Variants in EIF4G2 observed in about 807,000 individuals in gnomAD.
EIF4G2 encodes the protein DAP-5.
A neutral mutation model predicts 117.7 loss-of-function variants in EIF4G2; 8 were observed. The observed-to-expected ratio is 0.07, with a 90% CI of 0.04 to 0.12. EIF4G2 has a LOEUF of 0.12. Ranked by LOEUF, EIF4G2 falls within the 10% of genes least tolerant of loss-of-function variation. EIF4G2 has a pLI of 1.00. For synonymous variants in EIF4G2, 413 were observed against 367.8 expected, an observed-to-expected ratio of 1.12 and a Z score of -1.41; for missense variants, 812 against 1,086.2, an observed-to-expected ratio of 0.75 and a Z score of 3.55.
rs1847344837 is a variant in EIF4G2, at chr11:10,799,115, T to TA, written c.2537-3_2537-2insT. 1.4e-6 allele frequency: 2 copies of TA among 1,416,236 alleles called. No individual in the cohort carries two copies. Among genetic ancestry groups the TA allele is most frequent in the South Asian group, 2.6e-5 (2 of 76,158 alleles). The allele number at this position is 1,416,236 out of a possible 1,614,324, so 87.7% of individuals were successfully genotyped here. ...GCACAAAAAAGCGAAGTAACATGCC[T>TA]TAAAAAAAAAAAAAAAAAGAAAAAA... On this transcript the variant is annotated splice_polypyrimidine_tract_variant and splice_region_variant and intron_variant, in intron 20 of 21. Coordinates refer to ENST00000339995, the MANE Select transcript of EIF4G2 (RefSeq NM_001418.4).
intron 12 of EIF4G2, 39 bp from the exon 13 acceptor site, chr11:10,802,248 TA>T (rs1254476469): frequency 6.2e-7 from 1 of 1,611,674 alleles, no homozygotes; most frequent in South Asian, 1.1e-5. Context: ...AAACTAAAGT[TA>T]ACTGATTTTT....
Position 10,799,251 on chromosome 11 carries a change from G to A in EIF4G2, c.2498C>T (p.Ala833Val). 6.2e-7 allele frequency: 1 copy of A among 1,614,162 alleles called. No individual in the cohort carries two copies. Among genetic ancestry groups the A allele is most frequent in the Non-Finnish European group, 8.5e-7 (1 of 1,180,036 alleles). Residue 833 changes from alanine (A) to valine (V), a missense_variant, in exon 20 of 22, where the codon GCT (alanine) becomes GTT (valine). Ala to Val is a moderately conservative substitution (Grantham distance 64, BLOSUM62 0). Around this residue, in one of 4 missense-constraint regions of EIF4G2, gnomAD observed 571 missense variants for 642.3 expected, o/e 0.89. Coordinates refer to ENST00000339995, the MANE Select transcript of EIF4G2 (RefSeq NM_001418.4). Reference sequence around the variant, plus strand: ...GCTGTTATAGCAGTGCACCTGGAGAGCATACAGGGCACTGACTTGTAGATC... The same window carrying A: ...GCTGTTATAGCAGTGCACCTGGAGAACATACAGGGCACTGACTTGTAGATC...
Position 10,806,809 on chromosome 11 carries a change from G to GT in EIF4G2, c.107+10dup. The GT allele has an allele frequency of 6.2e-7, 1 of 1,613,724 alleles. No homozygotes were observed. Among genetic ancestry groups the GT allele is most frequent in the South Asian group, 1.1e-5 (1 of 91,072 alleles). ...AATAAAGCTCACTGTTTTTTTACAT[G>GT]TTTACCACACCTGTTGCCAGCAGTC... is the stretch of plus-strand genomic sequence containing the variant. On this transcript the variant is annotated intron_variant, in intron 3 of 21. Transcript: ENST00000339995.
rs1847498590 is a variant in EIF4G2 at position 10,804,217 on chromosome 11, C to T, written c.484-14G>A. ...GCGTCTGAATGTCTGGAAAAGAAGACATTGTCATGCTTTATTAAGGAAATT... is the reference window on the plus strand; with the variant it reads ...GCGTCTGAATGTCTGGAAAAGAAGATATTGTCATGCTTTATTAAGGAAATT... On this transcript the variant is annotated splice_polypyrimidine_tract_variant and intron_variant, in intron 6 of 21. Transcript: ENST00000339995. 1.2e-6 allele frequency: 2 copies of T among 1,613,804 alleles called. No individual in the cohort carries two copies. Among genetic ancestry groups the T allele is most frequent in the Non-Finnish European group, 1.7e-6 (2 of 1,179,904 alleles).
rs900262017 is a variant in EIF4G2, at chr11:10,808,702, C to G, written c.-87+3G>C. 1 of 199,510 alleles carries G rather than the reference C, an allele frequency of 5.0e-6. No homozygotes were observed. The allele number at this position is 199,510 out of a possible 1,614,324, so 12.4% of individuals were successfully genotyped here. On this transcript the variant is annotated splice_donor_region_variant and intron_variant, in intron 1 of 21. Coordinates refer to ENST00000339995, the MANE Select transcript of EIF4G2 (RefSeq NM_001418.4). ...ACTCGGCGGCGGCAGCGGCTCAACTCACCTTCACCGAGAACTCAGCAGCTG... is the reference window on the plus strand; with the variant it reads ...ACTCGGCGGCGGCAGCGGCTCAACTGACCTTCACCGAGAACTCAGCAGCTG...
In EIF4G2 at chr11:10,806,082, C is replaced by G. The variant is rs142760548; in HGVS notation, c.108-35G>C. The stretch of plus-strand genomic sequence containing the variant: ...AAAAATCAGCAAAAACACTTATTGT[C>G]ACACACCAAATGTTAAACATCATAA... On this transcript the variant is annotated intron_variant, in intron 3 of 21. Coordinates refer to ENST00000339995, the MANE Select transcript of EIF4G2 (RefSeq NM_001418.4). The G allele has an allele frequency of 3.8e-5, 61 of 1,613,248 alleles. No individual in the cohort carries two copies. In the African/African-American group the frequency reaches 6.7e-4, roughly 18 times the overall value.
chr11:10,803,610 T>G lies in EIF4G2; in HGVS notation c.703-20A>C. 6.2e-7 allele frequency: 1 copy of G among 1,601,486 alleles called. No homozygotes were observed. Among genetic ancestry groups the G allele is most frequent in the Non-Finnish European group, 8.5e-7 (1 of 1,170,198 alleles). On this transcript the variant is annotated intron_variant, in intron 8 of 21. Transcript: ENST00000339995. This position sits in a 1 kb window ranked among gnomAD's most constrained non-coding sequence, Gnocchi z 4.0. Reference sequence around the variant, plus strand: ...CAAAAGCTACAAGAATAAAAGGCCATGGTGACAAAGTTTTAGTTACTCTGG... The same window carrying G: ...CAAAAGCTACAAGAATAAAAGGCCAGGGTGACAAAGTTTTAGTTACTCTGG...
chr11:10,799,975 T>C (rs1379474058), intron 18 of EIF4G2, 115 bp downstream of exon 18: 3 of 1,242,254 alleles, frequency 2.4e-6, no homozygotes, highest in South Asian at 1.5e-5. Context: ...GTAATGTTTA[T>C]CATTATCTGA....
chr11:10,808,393 C>T (rs1847657378), intron 1 of EIF4G2: 1 of 1,248,820 alleles, frequency 8.0e-7, no homozygotes, highest in Non-Finnish European at 1.0e-6. Flanking sequence ...GTCCGAGCCA[C>T]GCTCCCTCGC....
intron 5 of EIF4G2, 143 bp from the exon 6 acceptor site, chr11:10,804,561 T>G (rs747725911): frequency 3.2e-4 from 338 of 1,062,152 alleles, no homozygotes; most frequent in Non-Finnish European, 4.1e-4. Context: ...GTCACATCCA[T>G]CTCCTGGGAG....
Position 10,799,588 on chromosome 11 carries a change from T to A in EIF4G2, c.2288A>T (p.His763Leu). 3 of 1,614,114 alleles carry A rather than the reference T, an allele frequency of 1.9e-6. No individual in the cohort carries two copies. The highest frequency in any genetic ancestry group is 2.5e-6 in the Non-Finnish European group (3 of 1,179,984). Reference sequence around the variant, plus strand: ...GATGTTCACAAATCCTTTATCTACATGAAGTTTGGGAGAGATGTTATCTTT... The same window carrying A: ...GATGTTCACAAATCCTTTATCTACAAGAAGTTTGGGAGAGATGTTATCTTT... The change falls in exon 19 of 22, where the codon CAT becomes CTT. Residue 763 changes from histidine (H) to leucine (L), a missense_variant. Transcript: ENST00000339995.
At chr11:10,801,830 TA>T (rs1847426669) in intron 13 of EIF4G2, 56 bp from the exon 14 acceptor site, 2 of 1,526,848 alleles carry the variant, frequency 1.3e-6, no homozygotes, top group African/African-American at 2.8e-5. Flanking sequence ...CAAATTATGG[TA>T]ATCAAGTACC....
At chr11:10,798,960 T>A in intron 21 of EIF4G2, 32 bp downstream of exon 21, 4 of 1,584,336 alleles carry the variant, frequency 2.5e-6, no homozygotes, top group Non-Finnish European at 3.4e-6. Context: ...CAAACTGAAG[T>A]AAGCAGACCA....
At chr11:10,800,032 C>G (rs905233016) in intron 18 of EIF4G2, 58 bp downstream of exon 18, 2 of 1,564,094 alleles carry the variant, frequency 1.3e-6, no homozygotes, top group Middle Eastern at 1.7e-4. Context: ...CTCAAGGTAC[C>G]TGAAATCTCT....
chr11:10,798,015 A>G (rs1847307081), intron 21 of EIF4G2, 134 bp from the exon 22 acceptor site: 2 of 753,388 alleles, frequency 2.7e-6, no homozygotes, highest in Admixed American at 2.4e-5. Flanking sequence ...ATATTAAGTT[A>G]ACGAACAGTG....
At chr11:10,798,403 C>A (rs1043608218) in intron 21 of EIF4G2, among the ~76,000 whole-genome samples, 1 of 151,844 alleles carries the variant, frequency 6.6e-6, no homozygotes. Context: ...AACTTTTTTT[C>A]TTTTTTTGAG....
chr11:10,799,366 A>G lies in EIF4G2; in HGVS notation c.2383T>C (p.Ser795Pro), dbSNP rs1219143765. Residue 795 changes from serine to proline, a missense_variant, in exon 20 of 22, where the codon TCT becomes CCT. Physicochemically the swap from Ser to Pro is moderately conservative, Grantham distance 74 (BLOSUM62 -1). This residue lies in a region of EIF4G2 where 571 missense variants were observed against 642.3 expected (regional missense o/e 0.89). Coordinates refer to ENST00000339995, the MANE Select transcript of EIF4G2 (RefSeq NM_001418.4). ...TCTAACTGTTCTTTGGAAGGAGCAG[A>G]GGATGAATCTGTTTCATCGCTGGGG... is the stretch of plus-strand genomic sequence containing the variant. 3 of 1,613,368 alleles carry G rather than the reference A, an allele frequency of 1.9e-6. No individual in the cohort carries two copies. Among genetic ancestry groups the G allele is most frequent in the Admixed American group, 1.7e-5 (1 of 60,020 alleles).
intron 18 of EIF4G2, 155 bp from the exon 19 acceptor site, chr11:10,799,911 G>C (rs992183126): frequency 8.7e-7 from 1 of 1,146,724 alleles, no homozygotes. Flanking sequence ...CTCAACATAC[G>C]GATCAAATGA....
At position 10,804,278 on chromosome 11, in the gene EIF4G2, A is replaced by G; in HGVS notation, c.483+9T>C. On this transcript the variant is annotated intron_variant, in intron 6 of 21. Transcript: ENST00000339995. ...ACTTTAAAACAAGCAAACAAAAACT[A>G]CCACTTACGGTGCTTTGCTTCTGTC... 2 of 1,613,234 alleles carry G rather than the reference A, an allele frequency of 1.2e-6. No individual in the cohort carries two copies. Among genetic ancestry groups the G allele is most frequent in the Non-Finnish European group, 1.7e-6 (2 of 1,179,428 alleles).
Sources: allele counts gnomAD v4.1 joint callset (sites outside exome capture counted in the v4.1 genomes callset), GRCh38; gene constraint gnomAD v4.1.1; regional missense constraint gnomAD v4.1.1; non-coding constraint Gnocchi (gnomAD v3.1); transcripts MANE v1.5; gene names NCBI Gene and HGNC (gene_info 2026-07-23, HGNC 2026-07-21).